Variants in PLXND1 observed in about 807,000 individuals in gnomAD.
PLXND1 encodes plexin D1.
Under a neutral mutation model 197.7 loss-of-function variants are expected in PLXND1, and 54 were observed. The observed-to-expected ratio is 0.27, with a 90% CI of 0.22 to 0.34. PLXND1 has a LOEUF of 0.34. Among genes scored for constraint, PLXND1 ranks in the 10% least tolerant of loss-of-function variants. The pLI, the probability that PLXND1 is intolerant of heterozygous loss-of-function variation, is 1.00. For missense variants in PLXND1, 2,127 were observed against 2,699.2 expected (o/e 0.79, Z 4.70); for synonymous variants, 1,180 against 1,161.2 (o/e 1.02, Z -0.33).
At chr3:129,560,464 C>A in intron 30 of PLXND1, 30 bp from the exon 31 acceptor site, 1 of 1,459,652 alleles carries the variant, frequency 6.9e-7, no homozygotes, top group Non-Finnish European at 9.6e-7. Flanking sequence ...TCAGTGTCCG[C>A]ACCAGGCCCC....
chr3:129,565,513 T>C lies in PLXND1; in HGVS notation c.4348A>G (p.Ile1450Val), dbSNP rs773384628. 2 of 1,613,640 alleles carry C rather than the reference T, an allele frequency of 1.2e-6. No individual in the cohort carries two copies. The highest frequency in any genetic ancestry group is 1.7e-5 in the Admixed American group (1 of 60,032). Residue 1450 changes from isoleucine (I) to valine (V), a missense_variant, in exon 25 of 36, where the codon ATC (isoleucine) becomes GTC (valine). By Grantham distance (29) the Ile-to-Val change is conservative. Coordinates refer to ENST00000324093, the MANE Select transcript of PLXND1 (RefSeq NM_015103.3). ...DRCSLASLLT[I>V]ALHGKLEYYT... Reference sequence around the variant, plus strand: ...TACTCCAGCTTGCCGTGCAGCGCGATGGTCAGCAGCGAGGCCAGGCTGCAC... The same window carrying C: ...TACTCCAGCTTGCCGTGCAGCGCGACGGTCAGCAGCGAGGCCAGGCTGCAC...
Position 129,559,761 on chromosome 3 carries a change from T to C in PLXND1, c.5156A>G (p.Asp1719Gly). Reference protein sequence around the residue: ...STKGTLQKFLDDLFKAILSIR... With the variant: ...STKGTLQKFLGDLFKAILSIR... The stretch of plus-strand genomic sequence containing the variant: ...ACTCAGAATGGCCTTGAACAGGTCA[T>C]CCAGAAACTTCTGCAACGTGCCCTG... The change falls in exon 32 of 36, where the codon GAT becomes GGT. Residue 1719 changes from aspartate to glycine, a missense_variant. Physicochemically the swap from Asp to Gly is moderately conservative, Grantham distance 94. This residue lies in a region of PLXND1 where 200 missense variants were observed against 303.3 expected (regional missense o/e 0.66). Coordinates refer to ENST00000324093, the MANE Select transcript of PLXND1 (RefSeq NM_015103.3). 1 of 1,607,480 alleles carries C rather than the reference T, an allele frequency of 6.2e-7. No individual in the cohort carries two copies. The highest frequency in any genetic ancestry group is 8.5e-7 in the Non-Finnish European group (1 of 1,176,996).
In PLXND1 at chr3:129,555,523, A is replaced by G. The variant is rs1413810461; in HGVS notation, c.*789T>C. 4.5e-6 allele frequency: 3 copies of G among 669,204 alleles called. No homozygotes were observed. The South Asian group carries it at 4.9e-5, about 11-fold the overall frequency. 41.5% of individuals were successfully genotyped at this position (669,204 alleles called of 1,614,324 possible). A position where few individuals can be genotyped will look rare whatever the true frequency, so the allele number is the denominator to read the frequency against. ...CAGCTATTCACAGTTGGTGCATGAT[A>G]CGTTTTTTAATATATAAAAGCTTTA... On this transcript the variant is annotated 3_prime_UTR_variant, in exon 36 of 36. Coordinates refer to ENST00000324093, the MANE Select transcript of PLXND1 (RefSeq NM_015103.3).
chr3:129,580,236 G>GC (rs11391296), intron 8 of PLXND1, among the ~76,000 whole-genome samples: 31,147 of 152,026 alleles, frequency 0.2, 3,389 homozygotes, highest in East Asian at 0.38. Flanking sequence ...GACCTCAGGG[G>GC]CTTGGCAAGA....
At chr3:129,589,603 CTCAGGCCCTGGCATCAGAGCTT>C in intron 1 of PLXND1, 76 bp from the exon 2 acceptor site, 1 of 1,290,182 alleles carries the variant, frequency 7.8e-7, no homozygotes. Flanking sequence ...TGGCTGGGAT[CTCAGGCCCTGGCATCAGAGCTT>C]TCAAGTCTTG....
Position 129,557,359 on chromosome 3 carries a change from G to A in PLXND1, c.5446-136C>T. 1.1e-6 allele frequency: 1 copy of A among 888,182 alleles called. No homozygotes were observed. The highest frequency in any genetic ancestry group is 1.7e-6 in the Non-Finnish European group (1 of 577,520). 55.0% of individuals were successfully genotyped at this position (888,182 alleles called of 1,614,324 possible). A position where few individuals can be genotyped will look rare whatever the true frequency, so the allele number is the denominator to read the frequency against. On this transcript the variant is annotated intron_variant, in intron 33 of 35. Transcript: ENST00000324093. The surrounding 1 kb of genome is among the most constrained non-coding windows in gnomAD (Gnocchi z 4.8). Reference sequence around the variant, plus strand: ...CCCGAGGCCCAAAGAGTCTCACCCGGTCACTGAACGTCCCCGCACTCAGCC... The same window carrying A: ...CCCGAGGCCCAAAGAGTCTCACCCGATCACTGAACGTCCCCGCACTCAGCC...
chr3:129,566,043 G>A lies in PLXND1; in HGVS notation c.4192-26C>T, dbSNP rs369358647. On this transcript the variant is annotated intron_variant, in intron 23 of 35. Transcript: ENST00000324093. ...CTGTGGAAGCAACTGGTGATGGGGT[G>A]TCCAGAGGGGCCCAGTGTCCCTGCC... 9 of 1,612,946 alleles carry A rather than the reference G, an allele frequency of 5.6e-6. No individual in the cohort carries two copies. In the African/African-American group the frequency reaches 9.3e-5, roughly 17 times the overall value.
chr3:129,586,149 C>T, intron 4 of PLXND1, 23 bp downstream of exon 4: 1 of 1,610,788 alleles, frequency 6.2e-7, no homozygotes, highest in Non-Finnish European at 8.5e-7. Context: ...CCTGGTCCAG[C>T]TGTTGCTGGT....
At position 129,584,537 on chromosome 3, in the gene PLXND1, C is replaced by A. The variant is rs1198690706; in HGVS notation, c.1877G>T (p.Ser626Ile). The change falls in exon 6 of 36, where the codon AGC (serine) becomes ATC (isoleucine). Residue 626 changes from serine (S) to isoleucine (I), a missense_variant. By Grantham distance (142) the Ser-to-Ile change is moderately radical. Around this residue, in one of 6 missense-constraint regions of PLXND1, gnomAD observed 1,095 missense variants for 1,259.8 expected, o/e 0.87. Coordinates refer to ENST00000324093, the MANE Select transcript of PLXND1 (RefSeq NM_015103.3). ...YPGMILQISG[S>I]LPSLSGMEMA... The stretch of plus-strand genomic sequence containing the variant: ...CTCCATGCCACTGAGGCTGGGCAGG[C>A]TGCCCGAGATCTGCAGGATCATGCC... The A allele has an allele frequency of 3.1e-6, 5 of 1,611,008 alleles. No homozygotes were observed.
At chr3:129,583,704 C>G in intron 7 of PLXND1, 35 bp from the exon 8 acceptor site, 1 of 1,409,780 alleles carries the variant, frequency 7.1e-7, no homozygotes, top group Non-Finnish European at 1.0e-6. Context: ...CTCCTGGTTC[C>G]CCACCCCTCA....
intron 23 of PLXND1, 24 bp downstream of exon 23, chr3:129,566,503 G>A: frequency 7.1e-7 from 1 of 1,416,184 alleles, no homozygotes; most frequent in Non-Finnish European, 1.0e-6. Flanking sequence ...GCAGCCCACT[G>A]TGTGTGGGTC....
At chr3:129,586,439 T>C in intron 3 of PLXND1, 149 bp downstream of exon 3, 1 of 1,109,240 alleles carries the variant, frequency 9.0e-7, no homozygotes, top group Non-Finnish European at 1.3e-6. Context: ...AAGGTCGGTG[T>C]TGGGAGGCGC....
intron 25 of PLXND1, among the ~76,000 whole-genome samples, chr3:129,565,040 C>G (rs1388630917): frequency 6.6e-6 from 1 of 152,230 alleles, no homozygotes; most frequent in Admixed American, 6.5e-5. Flanking sequence ...CTCCTGAATC[C>G]AGAGCAGGGA....
rs1268751525 is a variant in PLXND1 at position 129,605,833 on chromosome 3, C to G, written c.807G>C (p.Gln269His). 1 of 1,612,540 alleles carries G rather than the reference C, an allele frequency of 6.2e-7. No homozygotes were observed. Among genetic ancestry groups the G allele is most frequent in the East Asian group, 2.2e-5 (1 of 44,836 alleles). ...PSDDNILKIK[Q>H]GAKEQHKLGF... ...CCAGCTTGTGCTGCTCCTTGGCGCC[C>G]TGCTTGATCTTGAGGATGTTGTCGT... The change falls in exon 1 of 36, where the codon CAG (glutamine) becomes CAC (histidine). Residue 269 changes from glutamine (Q) to histidine (H), a missense_variant. Gln to His is a conservative substitution (Grantham distance 24, BLOSUM62 0). Transcript: ENST00000324093.
chr3:129,596,356 C>T lies in PLXND1; in HGVS notation c.1312-6829G>A, dbSNP rs1047714459. Among the ~76,000 whole-genome samples the T allele has an allele frequency of 3.3e-5, 5 of 152,176 alleles. No homozygotes were observed. The East Asian group carries it at 5.8e-4, about 18-fold the overall frequency. ...GGCGCCTGGGAACCACCGCCACAGT[C>T]GCTGACTCAAGCAGCCATTGTTTAG... On this transcript the variant is annotated intron_variant, in intron 1 of 35. Coordinates refer to ENST00000324093, the MANE Select transcript of PLXND1 (RefSeq NM_015103.3).
chr3:129,592,246 G>T (rs1237427941), intron 1 of PLXND1, among the ~76,000 whole-genome samples: 1 of 152,188 alleles, frequency 6.6e-6, no homozygotes, highest in Non-Finnish European at 1.5e-5. Flanking sequence ...CAACCAGGCG[G>T]GGTCCCACCC....
intron 8 of PLXND1, among the ~76,000 whole-genome samples, chr3:129,581,054 C>T (rs948559762): frequency 2.0e-5 from 3 of 152,132 alleles, no homozygotes; most frequent in South Asian, 2.1e-4. Flanking sequence ...ATCTTTCACG[C>T]GGGGACCATG....
intron 17 of PLXND1, 71 bp downstream of exon 17, chr3:129,571,438 G>T: frequency 6.5e-7 from 1 of 1,531,268 alleles, no homozygotes; most frequent in Non-Finnish European, 9.0e-7. Flanking sequence ...GTGGGAGGAG[G>T]CCTGGTCAGT....
chr3:129,606,480 G>T lies in PLXND1; in HGVS notation c.160C>A (p.Pro54Thr). Reference sequence around the variant, plus strand: ...AAGTTGTTGGTGGGCGTGGGCGAGGGGAACCGACGCTGGATCTCCAGGGCG... The same window carrying T: ...AAGTTGTTGGTGGGCGTGGGCGAGGTGAACCGACGCTGGATCTCCAGGGCG... ...AGALEIQRRF[P>T]SPTPTNNFAL... The change falls in exon 1 of 36, where the codon CCC (proline) becomes ACC (threonine). Residue 54 changes from proline (P) to threonine (T), a missense_variant. By Grantham distance (38) the Pro-to-Thr change is conservative. Around this residue, in one of 6 missense-constraint regions of PLXND1, gnomAD observed 245 missense variants for 267.1 expected, o/e 0.92. Coordinates refer to ENST00000324093, the MANE Select transcript of PLXND1 (RefSeq NM_015103.3). 7.0e-7 allele frequency: 1 copy of T among 1,432,330 alleles called. No homozygotes were observed. The allele number at this position is 1,432,330 out of a possible 1,614,324, so 88.7% of individuals were successfully genotyped here.
Sources: gnomAD v4.1 joint callset for allele counts (sites outside exome capture counted in the v4.1 genomes callset) on GRCh38, gnomAD v4.1.1 for gene constraint, gnomAD v4.1.1 regional missense constraint, Gnocchi (gnomAD v3.1) non-coding constraint, MANE v1.5 for transcripts, NCBI Gene and HGNC (gene_info 2026-07-23, HGNC 2026-07-21) for gene names.